Variants in RBPMS observed in about 807,000 individuals in gnomAD.
RBPMS encodes RNA-binding protein with multiple splicing.
Under a neutral mutation model 26.8 loss-of-function variants are expected in RBPMS, and 7 were observed. The observed-to-expected ratio is 0.26, with a 90% CI of 0.15 to 0.49. The LOEUF (loss-of-function observed/expected upper bound fraction) is 0.49, where lower values mean the gene tolerates loss of function less well. RBPMS is among the 20% of genes least tolerant of loss of function. RBPMS has a pLI of 0.98. For missense variants in RBPMS, 186 were observed against 250.0 expected (o/e 0.74, Z 1.73); for synonymous variants, 96 against 93.3 (o/e 1.03, Z -0.17).
intron 1 of RBPMS, among the ~76,000 whole-genome samples, chr8:30,452,253 G>C (rs927159251): frequency 2.6e-5 from 4 of 152,070 alleles, no homozygotes; most frequent in Non-Finnish European, 4.4e-5. Context: ...CAGAAATCAG[G>C]GTCTGTAAAG....
intron 6 of RBPMS, among the ~76,000 whole-genome samples, chr8:30,549,782 C>CTG: frequency 1.0e-5 from 1 of 100,264 alleles, no homozygotes; most frequent in Non-Finnish European, 2.0e-5. Context: ...TTCTCTCTCT[C>CTG]TCTCTCTCTC....
At chr8:30,506,627 A>G (rs549351843) in intron 5 of RBPMS, among the ~76,000 whole-genome samples, 1 of 152,326 alleles carries the variant, frequency 6.6e-6, no homozygotes, top group African/African-American at 2.4e-5. Flanking sequence ...TTGGTACTCA[A>G]GGTGGTCAGT....
At chr8:30,455,192 G>A (rs1037864436) in intron 1 of RBPMS, among the ~76,000 whole-genome samples, 1 of 152,174 alleles carries the variant, frequency 6.6e-6, no homozygotes, top group South Asian at 2.1e-4. Context: ...AGTGAGAAGG[G>A]AGTCTTTTCC....
intron 6 of RBPMS, chr8:30,556,117 G>C: frequency 1.0e-6 from 1 of 985,338 alleles, no homozygotes; most frequent in Non-Finnish European, 1.2e-6. Context: ...CCCCCACTTG[G>C]CAAGCACATA....
chr8:30,551,650 G>A (rs1402237467), intron 6 of RBPMS, among the ~76,000 whole-genome samples: 14 of 152,162 alleles, frequency 9.2e-5, no homozygotes, highest in Admixed American at 9.2e-4. Context: ...CCAACAAGTC[G>A]CACCTGGAAG....
At chr8:30,430,041 C>G (rs1483358907) in intron 1 of RBPMS, among the ~76,000 whole-genome samples, 2 of 152,124 alleles carry the variant, frequency 1.3e-5, no homozygotes, top group Admixed American at 6.5e-5. Flanking sequence ...CTTTGGGAAG[C>G]CGAGGCGGGC....
At chr8:30,501,297 C>G (rs1418758633) in intron 4 of RBPMS, among the ~76,000 whole-genome samples, 1 of 132,328 alleles carries the variant, frequency 7.6e-6, no homozygotes, top group Non-Finnish European at 1.6e-5. Flanking sequence ...CTTTCTGCAT[C>G]CTGTTACAGA....
At chr8:30,561,511 CAAGAG>C (rs1247977451) in intron 7 of RBPMS, among the ~76,000 whole-genome samples, 6 of 152,148 alleles carry the variant, frequency 3.9e-5, no homozygotes, top group African/African-American at 1.4e-4. Flanking sequence ...CTGAAGCGCA[CAAGAG>C]AAGGCATGGC....
At chr8:30,444,242 A>G (rs1423201641) in intron 1 of RBPMS, among the ~76,000 whole-genome samples, 1 of 152,252 alleles carries the variant, frequency 6.6e-6, no homozygotes, top group Non-Finnish European at 1.5e-5. Flanking sequence ...CATAGGTAAC[A>G]TAATACAGCA....
Position 30,556,566 on chromosome 8 carries a change from CCCCAACCCACA to C in RBPMS, c.529-2316_529-2306del, listed in dbSNP as rs566122625. 491 of 986,848 alleles carry C rather than the reference CCCCAACCCACA, an allele frequency of 5.0e-4. 2 individuals carry two copies. In the African/African-American group the frequency reaches 8.0e-3, roughly 16 times the overall value. 61.1% of individuals were successfully genotyped at this position (986,848 alleles called of 1,614,324 possible). A position where few individuals can be genotyped will look rare whatever the true frequency, so the allele number is the denominator to read the frequency against. ...GTCTTGGCCTCGTCGGGGCTCAGCG[CCCCAACCCACA>C]CCCAGGCCGCACCAGTCACACCACT... On this transcript the variant is annotated intron_variant, in intron 6 of 8. Transcript: ENST00000397323.
chr8:30,424,467 C>T (rs531764527), intron 1 of RBPMS, among the ~76,000 whole-genome samples: 53 of 152,232 alleles, frequency 3.5e-4, no homozygotes, highest in Middle Eastern at 3.4e-3. Context: ...AGCAGTCGGT[C>T]AATAAGCCCA....
chr8:30,467,287 C>G (rs4292648), intron 1 of RBPMS, among the ~76,000 whole-genome samples: 1 of 151,966 alleles, frequency 6.6e-6, no homozygotes, highest in Non-Finnish European at 1.5e-5. Context: ...TGTTTCAGCT[C>G]ATGGTTACAA....
chr8:30,411,112 G>A (rs113099556), intron 1 of RBPMS, among the ~76,000 whole-genome samples: 13 of 152,088 alleles, frequency 8.5e-5, no homozygotes, highest in East Asian at 5.8e-4. Flanking sequence ...GTCTTATTTC[G>A]TACTGGCACT....
In RBPMS at chr8:30,524,940, A is replaced by G. The variant is rs1470249757; in HGVS notation, c.398-19554A>G. 2.0e-5 allele frequency among the ~76,000 whole-genome samples: 3 copies of G among 152,192 alleles called. No homozygotes were observed. In the East Asian group the frequency reaches 5.8e-4, roughly 29 times the overall value. The stretch of plus-strand genomic sequence containing the variant: ...GCTGGGATCCTATTGGAATATTCCA[A>G]GTTTAGTCTATCATACCATTTTTGC... On this transcript the variant is annotated intron_variant, in intron 5 of 8. Coordinates refer to ENST00000397323, the MANE Select transcript of RBPMS (RefSeq NM_001008710.3).
At chr8:30,557,403 G>T (rs750580184) in intron 6 of RBPMS, among the ~76,000 whole-genome samples, 14 of 152,172 alleles carry the variant, frequency 9.2e-5, no homozygotes, top group Admixed American at 3.9e-4. Context: ...AGGGGATCTC[G>T]TGGGGCCTCA....
intron 1 of RBPMS, among the ~76,000 whole-genome samples, chr8:30,411,657 T>C (rs1159962157): frequency 8.9e-6 from 1 of 112,246 alleles, no homozygotes; most frequent in Non-Finnish European, 1.7e-5. Context: ...AGCAAGACCC[T>C]GTCTCAGAAA....
intron 4 of RBPMS, among the ~76,000 whole-genome samples, chr8:30,487,944 T>A (rs1472444236): frequency 1.3e-5 from 2 of 149,952 alleles, no homozygotes; most frequent in Admixed American, 1.3e-4. Flanking sequence ...ATATATAAGA[T>A]TTTTTTTTTC....
intron 5 of RBPMS, among the ~76,000 whole-genome samples, chr8:30,514,715 G>A (rs952004811): frequency 9.0e-6 from 1 of 110,668 alleles, no homozygotes; most frequent in Non-Finnish European, 1.9e-5. Flanking sequence ...ATGTAGAGGC[G>A]GGGTTTCCCC....
chr8:30,391,092 A>G (rs142074237), intron 1 of RBPMS, among the ~76,000 whole-genome samples: 2 of 146,504 alleles, frequency 1.4e-5, no homozygotes, highest in East Asian at 2.0e-4. Context: ...TGGTCCATCA[A>G]ATAGCCACTG....
Sources: allele counts gnomAD v4.1 joint callset (sites outside exome capture counted in the v4.1 genomes callset), GRCh38; gene constraint gnomAD v4.1.1; transcripts MANE v1.5; gene names NCBI Gene and HGNC (gene_info 2026-07-23, HGNC 2026-07-21).